The following ASPRV1 variants were observed in gnomAD, a reference collection of about 807,000 sequenced individuals.
The protein encoded by ASPRV1 is aspartic peptidase retroviral like 1, also known as retroviral-like aspartic protease 1.
A neutral mutation model predicts 11.0 loss-of-function variants in ASPRV1; 7 were observed. The observed-to-expected ratio is 0.64, with a 90% CI of 0.36 to 1.20. ASPRV1 has a LOEUF of 1.20. Ranked by LOEUF, ASPRV1 falls within the 50% of genes most tolerant of loss-of-function variation. The pLI is 0.02. For synonymous variants in ASPRV1, 136 were observed against 138.4 expected, an observed-to-expected ratio of 0.98 and a Z score of 0.12; for missense variants, 299 against 320.0, an observed-to-expected ratio of 0.93 and a Z score of 0.50.
chr2:70,040,835 A>G, the ASPRV1 span, among the ~76,000 whole-genome samples: 4 of 151,294 alleles, frequency 2.6e-5, no homozygotes, highest in Admixed American at 2.0e-4. Context: ...CTCCGACTCA[A>G]AACTAAACTA....
chr2:69,998,356 A>G, the ASPRV1 span, among the ~76,000 whole-genome samples: 3 of 152,278 alleles, frequency 2.0e-5, no homozygotes, highest in South Asian at 6.2e-4. Context: ...TCACTTAAAA[A>G]AAAAAAGAAC....
At chr2:70,014,813 A>AAAAAAG in the ASPRV1 span, among the ~76,000 whole-genome samples, 2 of 150,454 alleles carry the variant, frequency 1.3e-5, no homozygotes, top group African/African-American at 4.9e-5. Flanking sequence ...AAAAAAAAAA[A>AAAAAAG]AAAAAGAAAA....
chr2:69,980,064 A>G, the ASPRV1 span, among the ~76,000 whole-genome samples: 34,428 of 152,146 alleles, frequency 0.23, 6,883 homozygotes, highest in African/African-American at 0.5. Context: ...GGGTTCCACC[A>G]CCTGGGCAGG....
At chr2:69,995,831 C>T in the ASPRV1 span, among the ~76,000 whole-genome samples, 3 of 152,232 alleles carry the variant, frequency 2.0e-5, no homozygotes, top group East Asian at 1.9e-4. Flanking sequence ...CTGAGGCCAG[C>T]GTTAGGGGGA....
the ASPRV1 span, among the ~76,000 whole-genome samples, chr2:69,972,624 C>T: frequency 0.097 from 14,784 of 152,224 alleles, 931 homozygotes; most frequent in Non-Finnish European, 0.15. Flanking sequence ...TCCTAAAGTG[C>T]TGGGATTACA....
At chr2:69,957,663 T>G (rs1425096642), downstream of ASPRV1, among the ~76,000 whole-genome samples, 1 of 151,970 alleles carries the variant, frequency 6.6e-6, no homozygotes, top group Non-Finnish European at 1.5e-5. Context: ...AGAGTCTGTA[T>G]TCCCAACAGG....
chr2:70,066,459 G>A, the ASPRV1 span, among the ~76,000 whole-genome samples: 4 of 151,888 alleles, frequency 2.6e-5, no homozygotes, highest in South Asian at 4.2e-4. Flanking sequence ...GGCTGGTCTC[G>A]AACTCCTGAC....
chr2:69,932,912 T>C, the ASPRV1 span, among the ~76,000 whole-genome samples: 1 of 152,166 alleles, frequency 6.6e-6, no homozygotes, highest in Non-Finnish European at 1.5e-5. Flanking sequence ...TTGAACTTTT[T>C]CTTCTAATTG....
At chr2:69,944,071 A>T in the ASPRV1 span, among the ~76,000 whole-genome samples, 4 of 152,136 alleles carry the variant, frequency 2.6e-5, no homozygotes, top group South Asian at 8.3e-4. Context: ...CCCTTTTAGG[A>T]TGTGAGATTC....
the ASPRV1 span, chr2:69,940,915 A>C: frequency 6.6e-6 from 1 of 152,626 alleles, no homozygotes; most frequent in Non-Finnish European, 1.5e-5. Context: ...CTGATTCGCC[A>C]ATTTGTCCTC....
chr2:70,063,331 C>T, the ASPRV1 span, among the ~76,000 whole-genome samples: 1 of 152,196 alleles, frequency 6.6e-6, no homozygotes, highest in African/African-American at 2.4e-5. Context: ...ACACATCCAG[C>T]CAGTCTTCCA....
At chr2:70,084,257 A>C in the ASPRV1 span, among the ~76,000 whole-genome samples, 13 of 152,262 alleles carry the variant, frequency 8.5e-5, no homozygotes, top group African/African-American at 3.1e-4. Flanking sequence ...TTAAAAGACC[A>C]GAAGAAGGCT....
At chr2:69,937,958 G>A in the ASPRV1 span, 3 of 741,248 alleles carry the variant, frequency 4.0e-6, no homozygotes, top group East Asian at 5.6e-5. Context: ...TGTTGGCCCA[G>A]CTGGTCTCAA....
the ASPRV1 span, among the ~76,000 whole-genome samples, chr2:70,063,417 G>C: frequency 6.6e-6 from 1 of 152,202 alleles, no homozygotes. Flanking sequence ...AATTCAGAGA[G>C]AAATTCCACA....
chr2:69,987,247 C>T, the ASPRV1 span, among the ~76,000 whole-genome samples: 1 of 152,024 alleles, frequency 6.6e-6, no homozygotes, highest in Non-Finnish European at 1.5e-5. Flanking sequence ...GCACCAGACA[C>T]AGAAGCCGCG....
chr2:70,076,053 T>C, the ASPRV1 span, among the ~76,000 whole-genome samples: 1 of 152,074 alleles, frequency 6.6e-6, no homozygotes, highest in Admixed American at 6.6e-5. Context: ...AGGAGAAGAA[T>C]ATAACTAACC....
At chr2:69,974,362 T>C in the ASPRV1 span, among the ~76,000 whole-genome samples, 1 of 151,854 alleles carries the variant, frequency 6.6e-6, no homozygotes. Context: ...TATTAGGAAG[T>C]GATGGTTTTT....
At chr2:69,967,512 GC>G in the ASPRV1 span, among the ~76,000 whole-genome samples, 1 of 152,188 alleles carries the variant, frequency 6.6e-6, no homozygotes, top group African/African-American at 2.4e-5. Flanking sequence ...GATAGTGAAG[GC>G]CCTGAGAATG....
the ASPRV1 span, among the ~76,000 whole-genome samples, chr2:70,032,558 T>G: frequency 1.3e-5 from 2 of 151,802 alleles, no homozygotes; most frequent in African/African-American, 4.8e-5. Context: ...CTCAAGAGGC[T>G]GAGGCAGGAG....
Sources: allele counts gnomAD v4.1 joint callset (sites outside exome capture counted in the v4.1 genomes callset), GRCh38; gene constraint gnomAD v4.1.1; transcripts MANE v1.5; gene names NCBI Gene and HGNC (gene_info 2026-07-23, HGNC 2026-07-21).